Variants in GPC5 observed in about 807,000 individuals in gnomAD.
GPC5 encodes glypican 5.
Under a neutral mutation model 53.9 loss-of-function variants are expected in GPC5, and 47 were observed. The ratio of observed to expected loss-of-function variants is 0.87; its 90% CI spans 0.69 to 1.11. GPC5 has a LOEUF of 1.11. Among genes scored for constraint, GPC5 ranks in the 50% most tolerant of loss-of-function variants. The probability of loss-of-function intolerance (pLI) is 0.00; values close to 1 mark genes in which losing one functional copy is unlikely to be tolerated. For synonymous variants in GPC5, 286 were observed against 263.3 expected, an observed-to-expected ratio of 1.09 and a Z score of -0.84; for missense variants, 748 against 713.1, an observed-to-expected ratio of 1.05 and a Z score of -0.56.
chr13:92,743,550 C>T (rs1299104762), intron 7 of GPC5, among the ~76,000 whole-genome samples: 5 of 152,202 alleles, frequency 3.3e-5, no homozygotes, highest in African/African-American at 2.4e-5. Context: ...ATTTGACTTC[C>T]TCTTTTCCTA....
chr13:91,590,765 C>T (rs1399941435), intron 2 of GPC5, among the ~76,000 whole-genome samples: 1 of 152,182 alleles, frequency 6.6e-6, no homozygotes, highest in Admixed American at 6.5e-5. Flanking sequence ...CTCATTCCCT[C>T]TTTTTCTTCT....
intron 6 of GPC5, among the ~76,000 whole-genome samples, chr13:92,040,176 A>G (rs559229759): frequency 4.1e-4 from 62 of 152,240 alleles, no homozygotes; most frequent in African/African-American, 1.3e-3. Context: ...TTGATGGGGG[A>G]AAAAAATCAA....
At chr13:91,403,122 T>C (rs1371558291) in intron 1 of GPC5, among the ~76,000 whole-genome samples, 1 of 152,248 alleles carries the variant, frequency 6.6e-6, no homozygotes, top group African/African-American at 2.4e-5. Flanking sequence ...CCAATTTTGC[T>C]GTTTGAACAA....
rs2034821940 is a variant in GPC5 at position 91,655,420 on chromosome 13, A to G, written c.326-37767A>G. On this transcript the variant is annotated intron_variant, in intron 2 of 7. Coordinates refer to ENST00000377067, the MANE Select transcript of GPC5 (RefSeq NM_004466.6). ...TATAATTAGTTAAGTTGTATGTGTAATGTTATTCATATATGGTTGAAAGGG... is the reference window on the plus strand; with the variant it reads ...TATAATTAGTTAAGTTGTATGTGTAGTGTTATTCATATATGGTTGAAAGGG... Among the ~76,000 whole-genome samples the G allele has an allele frequency of 2.0e-5, 3 of 152,226 alleles. No homozygotes were observed. The South Asian group carries it at 6.2e-4, about 32-fold the overall frequency.
intron 5 of GPC5, among the ~76,000 whole-genome samples, chr13:91,817,981 T>C (rs965062295): frequency 3.3e-5 from 5 of 152,160 alleles, no homozygotes; most frequent in African/African-American, 1.2e-4. Context: ...AATATTTTAT[T>C]GTCGTATATG....
At position 92,690,355 on chromosome 13, in the gene GPC5, G is replaced by A. The variant is rs1364879018; in HGVS notation, c.1562-175927G>A. On this transcript the variant is annotated intron_variant, in intron 7 of 7. Transcript: ENST00000377067. ...TTGATACCCTTTCCTCCAGTTGATC[G>A]CATCAGCTCCTGAGGCTTCTGCATT... is the stretch of plus-strand genomic sequence containing the variant. Among the ~76,000 whole-genome samples, 30 of 91,846 alleles carry A rather than the reference G, an allele frequency of 3.3e-4. 11 individuals are homozygous for A. Among genetic ancestry groups the A allele is most frequent in the African/African-American group, 5.2e-4 (11 of 20,988 alleles). 60.3% of individuals were successfully genotyped at this position (91,846 alleles called of 152,430 possible). A position where few individuals can be genotyped will look rare whatever the true frequency, so the allele number is the denominator to read the frequency against.
intron 5 of GPC5, among the ~76,000 whole-genome samples, chr13:91,767,804 A>G (rs936411269): frequency 2.0e-5 from 3 of 152,188 alleles, no homozygotes; most frequent in African/African-American, 4.8e-5. Flanking sequence ...GTGGAAACCT[A>G]AAGGACCTTT....
chr13:92,759,565 T>C (rs771425241), intron 7 of GPC5, among the ~76,000 whole-genome samples: 3 of 152,136 alleles, frequency 2.0e-5, no homozygotes, highest in African/African-American at 7.2e-5. Flanking sequence ...GTTGATTTTA[T>C]GTCCTGCAAT....
intron 2 of GPC5, among the ~76,000 whole-genome samples, chr13:91,654,817 T>C (rs959391402): frequency 3.3e-5 from 5 of 152,212 alleles, no homozygotes; most frequent in Admixed American, 1.3e-4. Context: ...CAGGTGGGGC[T>C]TGGCCCATTT....
intron 7 of GPC5, among the ~76,000 whole-genome samples, chr13:92,408,996 G>A (rs1194118017): frequency 2.0e-5 from 3 of 151,918 alleles, no homozygotes; most frequent in Non-Finnish European, 2.9e-5. Context: ...TCGAAGGTTT[G>A]TACAGTAAAT....
At chr13:91,664,177 C>A (rs983692934) in intron 2 of GPC5, among the ~76,000 whole-genome samples, 1 of 152,174 alleles carries the variant, frequency 6.6e-6, no homozygotes, top group African/African-American at 2.4e-5. Flanking sequence ...CAGTATATAA[C>A]TCTATGACTT....
chr13:92,132,716 G>A (rs2041754316), intron 6 of GPC5, among the ~76,000 whole-genome samples: 4 of 151,992 alleles, frequency 2.6e-5, no homozygotes, highest in Non-Finnish European at 5.9e-5. Context: ...GATTACCTCT[G>A]TAAAGACCCT....
intron 7 of GPC5, among the ~76,000 whole-genome samples, chr13:92,632,011 C>G (rs770500180): frequency 6.6e-6 from 1 of 152,136 alleles, no homozygotes; most frequent in South Asian, 2.1e-4. Flanking sequence ...TTAAGAAATA[C>G]TCAACCTGTC....
intron 7 of GPC5, among the ~76,000 whole-genome samples, chr13:92,678,832 A>G (rs35391103): frequency 0.22 from 33,758 of 152,104 alleles, 4,392 homozygotes; most frequent in South Asian, 0.36. Flanking sequence ...ACCTAGGAAA[A>G]AGATAGGATG....
intron 6 of GPC5, among the ~76,000 whole-genome samples, chr13:92,105,411 C>T (rs573514389): frequency 3.9e-5 from 6 of 152,044 alleles, no homozygotes; most frequent in Non-Finnish European, 8.8e-5. Context: ...AAATCTTTAA[C>T]TTTCACACTT....
intron 2 of GPC5, among the ~76,000 whole-genome samples, chr13:91,498,799 G>A (rs557922126): frequency 3.3e-5 from 5 of 151,752 alleles, no homozygotes; most frequent in East Asian, 3.9e-4. Flanking sequence ...GTGAAACCCC[G>A]TCTCTACAAA....
intron 7 of GPC5, among the ~76,000 whole-genome samples, chr13:92,381,570 A>G (rs2043739088): frequency 6.6e-6 from 1 of 151,910 alleles, no homozygotes; most frequent in Non-Finnish European, 1.5e-5. Context: ...AACTAGTACA[A>G]CTACTATGGG....
intron 7 of GPC5, among the ~76,000 whole-genome samples, chr13:92,399,021 C>T (rs758650928): frequency 1.8e-4 from 28 of 152,308 alleles, no homozygotes; most frequent in Middle Eastern, 3.4e-3. Flanking sequence ...CATGATGTTA[C>T]CTGATTAATC....
intron 7 of GPC5, among the ~76,000 whole-genome samples, chr13:92,831,104 T>G (rs954258675): frequency 6.6e-6 from 1 of 152,168 alleles, no homozygotes; most frequent in East Asian, 1.9e-4. Flanking sequence ...TGTTAGCAAA[T>G]AACACTCGGA....
Sources: gnomAD v4.1 joint callset for allele counts (sites outside exome capture counted in the v4.1 genomes callset) on GRCh38, gnomAD v4.1.1 for gene constraint, MANE v1.5 for transcripts, NCBI Gene and HGNC (gene_info 2026-07-23, HGNC 2026-07-21) for gene names.